The following TMCO1 variants were observed in gnomAD, a reference collection of about 807,000 sequenced individuals.
The protein encoded by TMCO1 is transmembrane and coiled-coil domains 1.
A neutral mutation model predicts 29.3 loss-of-function variants in TMCO1; 29 were observed. The ratio of observed to expected loss-of-function variants is 0.99; its 90% CI spans 0.74 to 1.35. TMCO1 has a LOEUF of 1.35. Among genes scored for constraint, TMCO1 ranks in the 40% most tolerant of loss-of-function variants. The pLI is 0.00. For missense variants in TMCO1, 173 were observed against 225.5 expected, an observed-to-expected ratio of 0.77 and a Z score of 1.49; for synonymous variants, 80 against 77.1, an observed-to-expected ratio of 1.04 and a Z score of -0.20.
intron 5 of TMCO1, among the ~76,000 whole-genome samples, chr1:165,750,449 G>A (rs1164382475): frequency 3.3e-5 from 5 of 150,760 alleles, no homozygotes; most frequent in African/African-American, 1.2e-4. Flanking sequence ...GCTGAGGCAG[G>A]AGAATGGCTT....
At chr1:165,748,555 AT>A (rs1651886534) in intron 5 of TMCO1, among the ~76,000 whole-genome samples, 1 of 152,198 alleles carries the variant, frequency 6.6e-6, no homozygotes, top group Admixed American at 6.5e-5. Flanking sequence ...CAGGACAGAT[AT>A]GGAGTAATGT....
At chr1:165,768,458 C>T (rs777747644) in intron 1 of TMCO1, 189 bp from the exon 2 acceptor site, 17 of 1,537,958 alleles carry the variant, frequency 1.1e-5, no homozygotes, top group Non-Finnish European at 1.4e-5. Flanking sequence ...AAGGTGTCTC[C>T]ACAAATACCC....
chr1:165,725,024 C>CTCTCTCTA (rs1415499190), downstream of TMCO1: 1 of 90,758 alleles, frequency 1.1e-5, no homozygotes, highest in South Asian at 1.3e-4. Flanking sequence ...CTCTCTCTCT[C>CTCTCTCTA]TATATATATA....
chr1:165,736,083 A>G (rs1651367772), intron 6 of TMCO1, among the ~76,000 whole-genome samples: 1 of 152,242 alleles, frequency 6.6e-6, no homozygotes, highest in South Asian at 2.1e-4. Flanking sequence ...AAGGTCCCGA[A>G]GAGCTGCCCT....
At chr1:165,751,202 T>G (rs191746687) in intron 5 of TMCO1, among the ~76,000 whole-genome samples, 2 of 152,316 alleles carry the variant, frequency 1.3e-5, no homozygotes, top group African/African-American at 4.8e-5. Context: ...TAAACAAGAT[T>G]ATAGTTATTA....
At chr1:165,733,116 T>G (rs1240406840) in intron 6 of TMCO1, among the ~76,000 whole-genome samples, 2 of 152,178 alleles carry the variant, frequency 1.3e-5, no homozygotes, top group Non-Finnish European at 2.9e-5. Context: ...TATCCTTGCA[T>G]GTAGATAAGA....
chr1:165,738,580 A>T lies in TMCO1; in HGVS notation c.468+4587T>A, dbSNP rs576240014. On this transcript the variant is annotated intron_variant, in intron 6 of 6. Coordinates refer to ENST00000367881, the MANE Select transcript of TMCO1 (RefSeq NM_019026.6). ...CAAAGGAAGAAGCATATATTCCATG[A>T]TAACACTTCAAATGCTGTTAAGGCA... Among the ~76,000 whole-genome samples, 5 of 152,350 alleles carry T rather than the reference A, an allele frequency of 3.3e-5. No homozygotes were observed. The East Asian group carries it at 7.7e-4, about 23-fold the overall frequency.
chr1:165,768,289 A>T lies in TMCO1; in HGVS notation c.71-20T>A, dbSNP rs368862221. 5.2e-5 allele frequency: 83 copies of T among 1,603,100 alleles called. No individual in the cohort carries two copies. Among genetic ancestry groups the T allele is most frequent in the Middle Eastern group, 3.3e-4 (2 of 6,062 alleles). ...TTATGCCTAAAACATTAAAAGCAACATGTTAATAGAGAAATGACTGGAATG... is the reference window on the plus strand; with the variant it reads ...TTATGCCTAAAACATTAAAAGCAACTTGTTAATAGAGAAATGACTGGAATG... On this transcript the variant is annotated intron_variant, in intron 1 of 6. Transcript: ENST00000367881.
intron 5 of TMCO1, among the ~76,000 whole-genome samples, chr1:165,749,165 G>A (rs1054251892): frequency 2.6e-5 from 4 of 152,130 alleles, no homozygotes. Flanking sequence ...AGGTTTTTGT[G>A]TGGATCTAAG....
intron 6 of TMCO1, among the ~76,000 whole-genome samples, chr1:165,741,594 T>C (rs548447467): frequency 6.6e-6 from 1 of 152,224 alleles, no homozygotes; most frequent in Non-Finnish European, 1.5e-5. Context: ...TGATGGGATA[T>C]GAATTGGGAA....
intron 2 of TMCO1, among the ~76,000 whole-genome samples, chr1:165,765,056 A>G (rs1389106950): frequency 6.6e-6 from 1 of 152,248 alleles, no homozygotes; most frequent in African/African-American, 2.4e-5. Context: ...TTAAACATTT[A>G]CTATGTGCCA....
At chr1:165,732,051 C>T (rs1468629735) in intron 6 of TMCO1, among the ~76,000 whole-genome samples, 1 of 152,174 alleles carries the variant, frequency 6.6e-6, no homozygotes, top group Non-Finnish European at 1.5e-5. Context: ...ACAGATTTCC[C>T]CTGCTTTTCC....
intron 5 of TMCO1, among the ~76,000 whole-genome samples, chr1:165,747,616 G>A (rs1651848348): frequency 1.3e-5 from 2 of 152,170 alleles, no homozygotes; most frequent in South Asian, 4.1e-4. Flanking sequence ...GCAATGATAA[G>A]AAAATAGTTT....
At chr1:165,752,711 T>C (rs1652048451) in intron 4 of TMCO1, among the ~76,000 whole-genome samples, 1 of 151,504 alleles carries the variant, frequency 6.6e-6, no homozygotes, top group Non-Finnish European at 1.5e-5. Flanking sequence ...GGAGAATCAC[T>C]TGAACCTGAG....
At position 165,768,842 on chromosome 1, in the gene TMCO1, G is replaced by C; in HGVS notation, c.-91C>G. 2 of 1,587,818 alleles carry C rather than the reference G, an allele frequency of 1.3e-6. No individual in the cohort carries two copies. The highest frequency in any genetic ancestry group is 1.7e-6 in the Non-Finnish European group (2 of 1,166,256). ...AGCGAAAACGGCTTCCGTAGACTCCGCCACCACCGAGTAACAGACCAACTC... is the reference window on the plus strand; with the variant it reads ...AGCGAAAACGGCTTCCGTAGACTCCCCCACCACCGAGTAACAGACCAACTC... On this transcript the variant is annotated 5_prime_UTR_variant, in exon 1 of 7. Coordinates refer to ENST00000367881, the MANE Select transcript of TMCO1 (RefSeq NM_019026.6).
In TMCO1 at chr1:165,755,746, C is replaced by G. The variant is rs918065443; in HGVS notation, c.209-1472G>C. The stretch of plus-strand genomic sequence containing the variant: ...CTTCAGAATGTCTGCTCTCCCTTTC[C>G]CATCCACCTTCTGGGGACATCTGCC... On this transcript the variant is annotated intron_variant, in intron 3 of 6. Coordinates refer to ENST00000367881, the MANE Select transcript of TMCO1 (RefSeq NM_019026.6). Among the ~76,000 whole-genome samples the G allele has an allele frequency of 2.0e-5, 3 of 152,174 alleles. No homozygotes were observed. In the South Asian group the frequency reaches 6.2e-4, roughly 32 times the overall value.
Position 165,754,533 on chromosome 1 carries a change from A to G in TMCO1, c.209-259T>C, listed in dbSNP as rs10800155. On this transcript the variant is annotated intron_variant, in intron 3 of 6. Transcript: ENST00000367881. ...CTGGTATTAAATGTCTTAACTCTGT[A>G]CATTAATATATATGCTTATGTTACA... 0.87 allele frequency among the ~76,000 whole-genome samples: 132,311 copies of G among 152,210 alleles called. 57,654 individuals carry two copies. The highest frequency in any genetic ancestry group is 0.99 in the East Asian group (5,147 of 5,194).
At chr1:165,726,419 T>G (rs914191136), downstream of TMCO1, 2 of 615,254 alleles carry the variant, frequency 3.3e-6, no homozygotes, top group African/African-American at 3.6e-5. Flanking sequence ...GGAGATGGGA[T>G]GAGAAGAGAA....
chr1:165,761,044 T>C lies in TMCO1; in HGVS notation c.149-1460A>G, dbSNP rs377568810. On this transcript the variant is annotated intron_variant, in intron 2 of 6. Transcript: ENST00000367881. ...ACTCTTTCCCTTAGTACATGAAGTT[T>C]GTCCCTGAATTCTAAAAGCAAAATT... is the stretch of plus-strand genomic sequence containing the variant. Among the ~76,000 whole-genome samples the C allele has an allele frequency of 1.2e-3, 180 of 152,292 alleles. 1 individual carries two copies. The highest frequency in any genetic ancestry group is 4.2e-3 in the African/African-American group (175 of 41,546).
Sources: allele counts gnomAD v4.1 joint callset (sites outside exome capture counted in the v4.1 genomes callset), GRCh38; gene constraint gnomAD v4.1.1; transcripts MANE v1.5; gene names NCBI Gene and HGNC (gene_info 2026-07-23, HGNC 2026-07-21).